LYRM4: variants seen among roughly 807,000 people sequenced by gnomAD.
The protein encoded by LYRM4 is LYR motif containing 4.
A neutral mutation model predicts 11.7 loss-of-function variants in LYRM4; 9 were observed. That is an observed-to-expected ratio of 0.77 (90% CI 0.46 to 1.34). The LOEUF (loss-of-function observed/expected upper bound fraction) is 1.34, where lower values mean the gene tolerates loss of function less well. LYRM4 is among the 40% of genes most tolerant of loss of function. LYRM4 has a pLI of 0.00. For synonymous variants in LYRM4, 42 were observed against 40.4 expected (o/e 1.04, Z -0.15); for missense variants, 133 against 112.5 (o/e 1.18, Z -0.82).
intron 1 of LYRM4, among the ~76,000 whole-genome samples, chr6:5,252,702 GC>G (rs1339984616): frequency 1.3e-5 from 2 of 152,108 alleles, no homozygotes; most frequent in African/African-American, 2.4e-5. Context: ...TGGTCAATGA[GC>G]AAAAGCAGAG....
the LYRM4 span, among the ~76,000 whole-genome samples, chr6:5,061,678 A>T: frequency 1.3e-5 from 2 of 152,238 alleles, no homozygotes; most frequent in Admixed American, 1.3e-4. Context: ...ATCCATGACC[A>T]TTGAAATCCC....
chr6:5,132,207 G>A (rs1158337443), intron 2 of LYRM4, among the ~76,000 whole-genome samples: 1 of 152,164 alleles, frequency 6.6e-6, no homozygotes. Flanking sequence ...CATTTACTGG[G>A]CATGTGCTAA....
chr6:5,088,485 A>T, the LYRM4 span: 4 of 152,252 alleles, frequency 2.6e-5, no homozygotes, highest in Admixed American at 2.6e-4. Flanking sequence ...CAGTGTTCAC[A>T]AATCAGGTTT....
At chr6:5,072,153 A>G in the LYRM4 span, among the ~76,000 whole-genome samples, 1 of 152,304 alleles carries the variant, frequency 6.6e-6, no homozygotes, top group South Asian at 2.1e-4. Flanking sequence ...AAAGGACATA[A>G]TCTTGTTCCT....
At chr6:5,212,789 G>A (rs2127719164) in intron 2 of LYRM4, among the ~76,000 whole-genome samples, 1 of 152,348 alleles carries the variant, frequency 6.6e-6, no homozygotes, top group South Asian at 2.1e-4. Context: ...TTTTCCAGGG[G>A]AGACGTGGTC....
the LYRM4 span, chr6:5,085,574 C>T: frequency 1.4e-5 from 22 of 1,544,058 alleles, no homozygotes; most frequent in Non-Finnish European, 1.7e-5. Flanking sequence ...CTGCCCGCCC[C>T]GGTGGTCCCC....
At position 5,165,178 on chromosome 6, in the gene LYRM4, A is replaced by T. The variant is rs935877025; in HGVS notation, c.207+51440T>A. 8.5e-5 allele frequency among the ~76,000 whole-genome samples: 13 copies of T among 152,302 alleles called. No homozygotes were observed. In the East Asian group the frequency reaches 2.5e-3, roughly 29 times the overall value. On this transcript the variant is annotated intron_variant, in intron 2 of 2. Transcript: ENST00000330636. Reference sequence around the variant, plus strand: ...GAGAAAATGGAGAAATAAAAGTTACACCATATTCCCAGTTTCAATCAGTTT... The same window carrying T: ...GAGAAAATGGAGAAATAAAAGTTACTCCATATTCCCAGTTTCAATCAGTTT...
At chr6:5,184,077 A>T (rs1760236872) in intron 2 of LYRM4, among the ~76,000 whole-genome samples, 1 of 152,184 alleles carries the variant, frequency 6.6e-6, no homozygotes, top group Non-Finnish European at 1.5e-5. Flanking sequence ...CAAAAGTCAT[A>T]CTTTTTTTTT....
intron 1 of LYRM4, among the ~76,000 whole-genome samples, chr6:5,245,124 A>ATG (rs1764123856): frequency 9.8e-5 from 4 of 40,866 alleles, no homozygotes; most frequent in South Asian, 9.6e-4. Flanking sequence ...ATATATATAT[A>ATG]TATATATATA....
chr6:5,124,944 C>T (rs959919616), intron 2 of LYRM4, among the ~76,000 whole-genome samples: 1 of 152,234 alleles, frequency 6.6e-6, no homozygotes, highest in African/African-American at 2.4e-5. Flanking sequence ...TTGTCTCTGA[C>T]ATGAGACTGT....
At chr6:5,159,217 C>T (rs1758605228) in intron 2 of LYRM4, among the ~76,000 whole-genome samples, 1 of 152,202 alleles carries the variant, frequency 6.6e-6, no homozygotes, top group Admixed American at 6.5e-5. Flanking sequence ...GGGTGGGCCC[C>T]AGACACGTAT....
the LYRM4 span, among the ~76,000 whole-genome samples, chr6:5,062,520 CATT>C: frequency 1.6e-4 from 24 of 151,968 alleles, no homozygotes; most frequent in African/African-American, 4.4e-4. Context: ...TCTTCCACAT[CATT>C]GTTTTATTTA....
intron 1 of LYRM4, among the ~76,000 whole-genome samples, chr6:5,220,651 G>T (rs1277616591): frequency 6.6e-6 from 1 of 152,138 alleles, no homozygotes; most frequent in Admixed American, 6.5e-5. Flanking sequence ...GGTGTATTCC[G>T]GGAGCCTGCT....
intron 2 of LYRM4, among the ~76,000 whole-genome samples, chr6:5,215,276 C>A (rs984817746): frequency 3.9e-5 from 6 of 152,170 alleles, no homozygotes; most frequent in African/African-American, 1.4e-4. Flanking sequence ...AACTCAGCTG[C>A]TTGTTCTTCT....
At chr6:5,055,829 C>G in the LYRM4 span, among the ~76,000 whole-genome samples, 3 of 152,272 alleles carry the variant, frequency 2.0e-5, no homozygotes, top group South Asian at 6.2e-4. The surrounding 1 kb of genome is among the most constrained non-coding windows in gnomAD (Gnocchi z 4.5). Context: ...AAGGGACTCA[C>G]CAACATAACC....
At chr6:5,067,655 C>T in the LYRM4 span, among the ~76,000 whole-genome samples, 37 of 152,180 alleles carry the variant, frequency 2.4e-4, no homozygotes, top group East Asian at 1.7e-3. Context: ...CAAGGCTTGG[C>T]GACTGTTTTA....
At chr6:5,126,026 A>G (rs1763685440) in intron 2 of LYRM4, among the ~76,000 whole-genome samples, 2 of 152,342 alleles carry the variant, frequency 1.3e-5, no homozygotes, top group Admixed American at 6.5e-5. Context: ...CACCATGCAC[A>G]TGGTTTATTT....
chr6:5,167,216 C>T (rs779234382), intron 2 of LYRM4, among the ~76,000 whole-genome samples: 7 of 152,160 alleles, frequency 4.6e-5, no homozygotes, highest in South Asian at 2.1e-4. Context: ...GAGTAATATA[C>T]GCAAGGGATA....
the LYRM4 span, chr6:5,066,651 T>A: frequency 8.2e-5 from 95 of 1,161,308 alleles, no homozygotes; most frequent in Admixed American, 2.0e-4. Flanking sequence ...AAGTAATGCC[T>A]GAGTCAGGAT....
Sources: allele counts gnomAD v4.1 joint callset (sites outside exome capture counted in the v4.1 genomes callset), GRCh38; gene constraint gnomAD v4.1.1; non-coding constraint Gnocchi (gnomAD v3.1); transcripts MANE v1.5; gene names NCBI Gene and HGNC (gene_info 2026-07-23, HGNC 2026-07-21).